The following FYB1 variants were observed in gnomAD, a reference collection of about 807,000 sequenced individuals.
FYB1 encodes the protein FYN-binding protein 1.
In FYB1, 41 loss-of-function variants were observed where a neutral mutation model predicts 94.1. The observed-to-expected ratio is 0.44, with a 90% CI of 0.34 to 0.57. FYB1 has a LOEUF of 0.57. Among genes scored for constraint, FYB1 ranks in the 20% least tolerant of loss-of-function variants. FYB1 has a pLI of 0.02. For missense variants in FYB1, 1,050 were observed against 976.8 expected, an observed-to-expected ratio of 1.07 and a Z score of -1.00; for synonymous variants, 367 against 353.2, an observed-to-expected ratio of 1.04 and a Z score of -0.44.
chr5:39,137,995 T>C (rs747813257), intron 6 of FYB1: 31 of 420,478 alleles, frequency 7.4e-5, no homozygotes, highest in Non-Finnish European at 1.2e-4. Context: ...ATTCTTGCTG[T>C]ATGTTCGCAT....
intron 1 of FYB1, chr5:39,269,577 C>T (rs1752584038): frequency 6.6e-6 from 1 of 152,442 alleles, no homozygotes; most frequent in Non-Finnish European, 1.5e-5. Context: ...GAAGATTACC[C>T]TCTCTCACCT....
At chr5:39,111,962 T>C (rs1249267002) in intron 16 of FYB1, among the ~76,000 whole-genome samples, 3 of 152,000 alleles carry the variant, frequency 2.0e-5, no homozygotes, top group African/African-American at 7.2e-5. Flanking sequence ...TGGGTAGGCT[T>C]TGATATCACA....
intron 12 of FYB1, 40 bp downstream of exon 12, chr5:39,125,958 T>C: frequency 1.3e-6 from 2 of 1,587,860 alleles, no homozygotes; most frequent in Non-Finnish European, 1.7e-6. Flanking sequence ...TACATATTAG[T>C]GTAGTTATTG....
chr5:39,235,050 G>GAAT (rs36227810), intron 1 of FYB1, among the ~76,000 whole-genome samples: 58 of 148,574 alleles, frequency 3.9e-4, no homozygotes, highest in African/African-American at 1.2e-3. Context: ...AGAACTTAAA[G>GAAT]AATAATAATA....
At chr5:39,261,362 A>ACACACG (rs1752208107) in intron 1 of FYB1, among the ~76,000 whole-genome samples, 1 of 151,424 alleles carries the variant, frequency 6.6e-6, no homozygotes, top group Non-Finnish European at 1.5e-5. Flanking sequence ...ACACACACAC[A>ACACACG]CACACACACA....
At position 39,106,374 on chromosome 5, in the gene FYB1, A is replaced by G. The variant is rs1304359539; in HGVS notation, c.*1069T>C. On this transcript the variant is annotated 3_prime_UTR_variant, in exon 19 of 19. Coordinates refer to ENST00000512982, the MANE Select transcript of FYB1 (RefSeq NM_001465.6). ...CATTTTTCATTTTTTAAATCATGCT[A>G]TTTAGTGTTCTTAACATTTGAAACC... 7.2e-5 allele frequency: 11 copies of G among 152,190 alleles called. No homozygotes were observed. The highest frequency in any genetic ancestry group is 5.9e-4 in the Admixed American group (9 of 15,288). The allele number at this position is 152,190 out of a possible 1,614,324, so 9.4% of individuals were successfully genotyped here.
At chr5:39,185,853 G>A (rs552994554) in intron 2 of FYB1, among the ~76,000 whole-genome samples, 6 of 152,134 alleles carry the variant, frequency 3.9e-5, no homozygotes, top group African/African-American at 1.2e-4. Context: ...GCAGGTAGGG[G>A]CCCATGGGTG....
intron 2 of FYB1, among the ~76,000 whole-genome samples, chr5:39,183,167 A>G (rs945480669): frequency 6.6e-6 from 1 of 151,962 alleles, no homozygotes; most frequent in African/African-American, 2.4e-5. Flanking sequence ...TATATTTTTA[A>G]TAGAGACGGG....
At chr5:39,175,197 C>CT (rs1322400463) in intron 2 of FYB1, among the ~76,000 whole-genome samples, 1 of 152,176 alleles carries the variant, frequency 6.6e-6, no homozygotes, top group Non-Finnish European at 1.5e-5. Context: ...CAGGCAGACA[C>CT]TACATTGGCT....
At chr5:39,181,206 G>A (rs1746192740) in intron 2 of FYB1, among the ~76,000 whole-genome samples, 1 of 152,194 alleles carries the variant, frequency 6.6e-6, no homozygotes, top group South Asian at 2.1e-4. Context: ...AATTGAGGTA[G>A]CAGCAGATCA....
intron 13 of FYB1, among the ~76,000 whole-genome samples, chr5:39,123,673 A>T (rs1287745202): frequency 6.6e-6 from 1 of 152,130 alleles, no homozygotes; most frequent in East Asian, 1.9e-4. Flanking sequence ...ATAAGTTAAA[A>T]TAAATAAACT....
intron 2 of FYB1, among the ~76,000 whole-genome samples, chr5:39,180,937 T>C (rs1160500071): frequency 1.3e-5 from 2 of 152,238 alleles, no homozygotes; most frequent in African/African-American, 4.8e-5. Flanking sequence ...TACTTTTCCA[T>C]ATATTTCTGG....
chr5:39,229,397 A>G (rs1281208823), intron 1 of FYB1, among the ~76,000 whole-genome samples: 2 of 152,196 alleles, frequency 1.3e-5, no homozygotes, highest in African/African-American at 2.4e-5. Context: ...GAAATCAGCC[A>G]TTGTCCAGAC....
At chr5:39,124,596 C>G (rs1391755775) in intron 12 of FYB1, among the ~76,000 whole-genome samples, 2 of 152,092 alleles carry the variant, frequency 1.3e-5, no homozygotes, top group East Asian at 3.9e-4. Context: ...GGCATAATAT[C>G]AAGCCAGAGT....
chr5:39,232,545 TTA>T (rs1055069598), intron 1 of FYB1, among the ~76,000 whole-genome samples: 119 of 151,352 alleles, frequency 7.9e-4, no homozygotes, highest in African/African-American at 2.7e-3. Context: ...ATTTATTTAT[TTA>T]TTTTTTATTT....
intron 17 of FYB1, among the ~76,000 whole-genome samples, chr5:39,109,845 A>G (rs565266878): frequency 4.6e-5 from 7 of 152,198 alleles, no homozygotes; most frequent in African/African-American, 1.7e-4. Context: ...ATCATTGATG[A>G]CTGTCTTTTT....
At position 39,139,084 on chromosome 5, in the gene FYB1, T is replaced by C. The variant is rs919681270; in HGVS notation, c.1359+149A>G. ...TGACTAGTGTGTAACATCTTAAGCA[T>C]TTTAGATGAAATAAGATTAGAAATG... On this transcript the variant is annotated intron_variant, in intron 5 of 18. Coordinates refer to ENST00000512982, the MANE Select transcript of FYB1 (RefSeq NM_001465.6). The C allele has an allele frequency of 3.5e-6, 3 of 865,612 alleles. No individual in the cohort carries two copies. In the African/African-American group the frequency reaches 5.1e-5, roughly 15 times the overall value. 53.6% of individuals were successfully genotyped at this position (865,612 alleles called of 1,614,324 possible). A position where few individuals can be genotyped will look rare whatever the true frequency, so the allele number is the denominator to read the frequency against.
At chr5:39,204,436 G>A (rs978487399) in intron 1 of FYB1, among the ~76,000 whole-genome samples, 1 of 152,108 alleles carries the variant, frequency 6.6e-6, no homozygotes, top group Non-Finnish European at 1.5e-5. Context: ...CTTTAAACAT[G>A]GAATTTGTAA....
upstream of FYB1, among the ~76,000 whole-genome samples, chr5:39,222,282 C>T (rs1468860244): frequency 6.6e-6 from 1 of 152,078 alleles, no homozygotes; most frequent in African/African-American, 2.4e-5. Context: ...TCATGAGTTC[C>T]TTAAGGGTTG....
Sources: allele counts gnomAD v4.1 joint callset (sites outside exome capture counted in the v4.1 genomes callset), GRCh38; gene constraint gnomAD v4.1.1; transcripts MANE v1.5; gene names NCBI Gene and HGNC (gene_info 2026-07-23, HGNC 2026-07-21).